The following RBL2 variants were observed in gnomAD, a reference collection of about 807,000 sequenced individuals.
RBL2 encodes retinoblastoma-like protein 2.
A neutral mutation model predicts 126.0 loss-of-function variants in RBL2; 56 were observed. That is an observed-to-expected ratio of 0.44 (90% CI 0.36 to 0.56). RBL2 has a LOEUF of 0.56. RBL2 is among the 20% of genes least tolerant of loss of function. RBL2 has a pLI of 0.00. For synonymous variants in RBL2, 454 were observed against 478.5 expected, an observed-to-expected ratio of 0.95 and a Z score of 0.67; for missense variants, 1,229 against 1,398.2, an observed-to-expected ratio of 0.88 and a Z score of 1.93.
chr16:53,454,748 T>C lies in RBL2; in HGVS notation c.1085T>C (p.Ile362Thr). The part of the protein sequence containing the change: ...IFLGEDAEEE[I>T]GTLSRCLNAG... Reference sequence around the variant, plus strand: ...CTTGGAGAGGATGCTGAGGAGGAAATTGGGACTCTCTCAAGGTGTCTGAAC... The same window carrying C: ...CTTGGAGAGGATGCTGAGGAGGAAACTGGGACTCTCTCAAGGTGTCTGAAC... Residue 362 changes from isoleucine to threonine, a missense_variant, in exon 8 of 22, where the codon ATT becomes ACT. Transcript: ENST00000262133. 6.2e-7 allele frequency: 1 copy of C among 1,614,010 alleles called. No homozygotes were observed. Among genetic ancestry groups the C allele is most frequent in the Non-Finnish European group, 8.5e-7 (1 of 1,179,954 alleles).
chr16:53,442,901 T>C, intron 3 of RBL2, 43 bp downstream of exon 3: 2 of 1,377,854 alleles, frequency 1.5e-6, no homozygotes, highest in Admixed American at 4.8e-5. Context: ...CGTTAGTCTG[T>C]GCTGCAGTGT....
At position 53,464,267 on chromosome 16, in the gene RBL2, C is replaced by G. The variant is rs780846966; in HGVS notation, c.1602C>G (p.Ala534=). 1 of 1,604,736 alleles carries G rather than the reference C, an allele frequency of 6.2e-7. No individual in the cohort carries two copies. The highest frequency in any genetic ancestry group is 8.5e-7 in the Non-Finnish European group (1 of 1,172,470). The change falls in exon 12 of 22, where the codon GCC becomes GCG. Residue 534 remains alanine (A), a synonymous_variant. Coordinates refer to ENST00000262133, the MANE Select transcript of RBL2 (RefSeq NM_005611.4). ...ATGCGTTCCACAGATCTCTCTTGGCCTGCTGCCTTGAGGTCGTCACTTTTT... is the reference window on the plus strand; with the variant it reads ...ATGCGTTCCACAGATCTCTCTTGGCGTGCTGCCTTGAGGTCGTCACTTTTT... The part of the protein sequence containing the change: ...EQDAFHRSLL[A]CCLEVVTFSY...
At chr16:53,443,457 T>G (rs932636936) in intron 3 of RBL2, 1 of 152,220 alleles carries the variant, frequency 6.6e-6, no homozygotes, top group African/African-American at 2.4e-5. Flanking sequence ...TTTTGATGTT[T>G]ATAATGAATT....
chr16:53,456,864 C>A (rs943953761), intron 8 of RBL2, among the ~76,000 whole-genome samples: 1 of 152,122 alleles, frequency 6.6e-6, no homozygotes, highest in Non-Finnish European at 1.5e-5. Context: ...ACTTCTTTTC[C>A]CCCTGACTCT....
Position 53,459,440 on chromosome 16 carries a change from T to G in RBL2, c.1180-11T>G. ...TGTTTATTAATTCTGTGTAATTTTTTTTTTCTTTAGTCCAAAGCACTTAGA... is the reference window on the plus strand; with the variant it reads ...TGTTTATTAATTCTGTGTAATTTTTGTTTTCTTTAGTCCAAAGCACTTAGA... On this transcript the variant is annotated splice_polypyrimidine_tract_variant and intron_variant, in intron 8 of 21. Coordinates refer to ENST00000262133, the MANE Select transcript of RBL2 (RefSeq NM_005611.4). 6.2e-7 allele frequency: 1 copy of G among 1,603,290 alleles called. No homozygotes were observed. The highest frequency in any genetic ancestry group is 8.5e-7 in the Non-Finnish European group (1 of 1,174,012).
At chr16:53,490,103 A>G (rs1199609763) in intron 21 of RBL2, 27 bp from the exon 22 acceptor site, 1 of 1,511,438 alleles carries the variant, frequency 6.6e-7, no homozygotes, top group Non-Finnish European at 8.9e-7. Context: ...TGCATTTTAA[A>G]ATTTTTGTAT....
At chr16:53,452,241 TAAAG>T (rs1289101023) in intron 5 of RBL2, among the ~76,000 whole-genome samples, 7 of 152,148 alleles carry the variant, frequency 4.6e-5, no homozygotes, top group East Asian at 3.8e-4. Context: ...GGTTCTAAAA[TAAAG>T]AAAATGAACT....
intron 7 of RBL2, 146 bp downstream of exon 7, chr16:53,453,915 A>G (rs933297799): frequency 7.5e-6 from 5 of 668,806 alleles, no homozygotes; most frequent in African/African-American, 7.3e-5. Flanking sequence ...TGTCACCTAA[A>G]TATAAGCACA....
intron 9 of RBL2, 69 bp from the exon 10 acceptor site, chr16:53,461,671 TA>T (rs2058222569): frequency 1.8e-6 from 2 of 1,089,178 alleles, no homozygotes; most frequent in African/African-American, 3.3e-5. Flanking sequence ...AGTGAAATTA[TA>T]GAAACATTTT....
At chr16:53,455,082 C>T (rs2058154486) in intron 8 of RBL2, among the ~76,000 whole-genome samples, 1 of 152,100 alleles carries the variant, frequency 6.6e-6, no homozygotes, top group Non-Finnish European at 1.5e-5. Context: ...ACAAATGTGT[C>T]ATGCTGATAA....
At chr16:53,436,271 G>A (rs1282055736) in intron 1 of RBL2, among the ~76,000 whole-genome samples, 2 of 151,982 alleles carry the variant, frequency 1.3e-5, no homozygotes, top group Non-Finnish European at 2.9e-5. Flanking sequence ...AAGCATTATC[G>A]CCATTTATTT....
chr16:53,434,498 G>A lies in RBL2; in HGVS notation c.-59G>A, dbSNP rs1408273264. ...CGGACGGGCGGGCGCTTCGCCGTTT[G>A]AATGGCTGCGGGCCCGGGCCCTCAC... On this transcript the variant is annotated 5_prime_UTR_variant, in exon 1 of 22. Transcript: ENST00000262133. 2 of 1,334,844 alleles carry A rather than the reference G, an allele frequency of 1.5e-6. No individual in the cohort carries two copies. The highest frequency in any genetic ancestry group is 6.1e-5 in the East Asian group (2 of 32,680). 82.7% of individuals were successfully genotyped at this position (1,334,844 alleles called of 1,614,324 possible).
In RBL2 at chr16:53,434,569, G is replaced by A; in HGVS notation, c.13G>A (p.Gly5Ser). The A allele has an allele frequency of 2.0e-6, 3 of 1,528,888 alleles. No homozygotes were observed. Among genetic ancestry groups the A allele is most frequent in the Non-Finnish European group, 2.6e-6 (3 of 1,147,082 alleles). The allele number at this position is 1,528,888 out of a possible 1,614,324, so 94.7% of individuals were successfully genotyped here. A position where few individuals can be genotyped will look rare whatever the true frequency, so the allele number is the denominator to read the frequency against. Residue 5 changes from glycine to serine, a missense_variant, in exon 1 of 22, where the codon GGT (glycine) becomes AGT (serine). Transcript: ENST00000262133. Reference protein sequence around the residue: MPSGGDQSPPPPPPP... With the variant: MPSGSDQSPPPPPPP... ...CCAGGGGTGCGCTATGCCGTCGGGA[G>A]GTGACCAGTCGCCACCGCCCCCGCC...
At chr16:53,442,130 C>T (rs72801818) in intron 2 of RBL2, among the ~76,000 whole-genome samples, 31,270 of 151,758 alleles carry the variant, frequency 0.21, 4,363 homozygotes, top group Middle Eastern at 0.36. Flanking sequence ...TTGACTGCTT[C>T]TATAGTGTTG....
intron 21 of RBL2, among the ~76,000 whole-genome samples, chr16:53,482,497 A>C (rs1598131675): frequency 1.3e-5 from 2 of 152,196 alleles, no homozygotes; most frequent in African/African-American, 4.8e-5. Flanking sequence ...CCCTTACATA[A>C]TGAGATTTTT....
intron 21 of RBL2, among the ~76,000 whole-genome samples, chr16:53,486,084 G>A (rs1961160853): frequency 7.0e-6 from 1 of 142,950 alleles, no homozygotes; most frequent in Non-Finnish European, 1.5e-5. Flanking sequence ...GAGCCCAGTA[G>A]TTCAAGACCA....
At chr16:53,482,401 A>G (rs900265591) in intron 21 of RBL2, among the ~76,000 whole-genome samples, 2 of 152,234 alleles carry the variant, frequency 1.3e-5, no homozygotes, top group African/African-American at 4.8e-5. Context: ...TAAGGGGAAG[A>G]AAACAGTGTC....
rs35715791 is a variant in RBL2 at position 53,481,652 on chromosome 16, AT to A, written c.3085-7del. On this transcript the variant is annotated intron_variant, in intron 20 of 21. Coordinates refer to ENST00000262133, the MANE Select transcript of RBL2 (RefSeq NM_005611.4). ...ATAAATTTTTTTCTTAGAATTACTGATTTTTTTTTTTTAAACAGATGGATGC... is the reference window on the plus strand; with the variant it reads ...ATAAATTTTTTTCTTAGAATTACTGATTTTTTTTTTTAAACAGATGGATGC... 39,678 of 923,690 alleles carry A rather than the reference AT, an allele frequency of 0.043. 81 individuals are homozygous for A. Among genetic ancestry groups the A allele is most frequent in the African/African-American group, 0.068 (3,978 of 58,688 alleles). The allele number at this position is 923,690 out of a possible 1,614,324, so 57.2% of individuals were successfully genotyped here.
At chr16:53,445,737 A>C (rs1285930271) in intron 3 of RBL2, 1 of 152,254 alleles carries the variant, frequency 6.6e-6, no homozygotes, top group African/African-American at 2.4e-5. Context: ...TATGTAGGAC[A>C]CAGGCATTTT....
Sources: allele counts gnomAD v4.1 joint callset (sites outside exome capture counted in the v4.1 genomes callset), GRCh38; gene constraint gnomAD v4.1.1; transcripts MANE v1.5; gene names NCBI Gene and HGNC (gene_info 2026-07-23, HGNC 2026-07-21).